The following BFSP2 variants were observed in gnomAD, a reference collection of about 807,000 sequenced individuals.
BFSP2 encodes the protein phakinin.
Under a neutral mutation model 44.9 loss-of-function variants are expected in BFSP2, and 38 were observed. The ratio of observed to expected loss-of-function variants is 0.85; its 90% confidence interval spans 0.65 to 1.11. BFSP2 has a LOEUF of 1.11. Ranked by LOEUF, BFSP2 falls within the 50% of genes least tolerant of loss-of-function variation. BFSP2 has a pLI of 0.00. For missense variants in BFSP2, 525 were observed against 533.0 expected (o/e 0.99, Z 0.15); for synonymous variants, 197 against 209.9 (o/e 0.94, Z 0.53).
At chr3:133,412,642 G>A (rs2073467172) in intron 1 of BFSP2, 1 of 152,320 alleles carries the variant, frequency 6.6e-6, no homozygotes, top group African/African-American at 2.4e-5. Context: ...CTGGGTGCCG[G>A]GCAGGCCTCC....
At chr3:133,405,878 A>C (rs115643807) in intron 1 of BFSP2, among the ~76,000 whole-genome samples, 139 of 152,276 alleles carry the variant, frequency 9.1e-4, no homozygotes, top group African/African-American at 3.2e-3. Flanking sequence ...TTGATGGGAG[A>C]GGGGGAGAAG....
chr3:133,468,020 G>A (rs1298203716), intron 5 of BFSP2, among the ~76,000 whole-genome samples: 7 of 152,192 alleles, frequency 4.6e-5, no homozygotes, highest in African/African-American at 1.4e-4. Context: ...GATAGTCACA[G>A]TCCAGCCCAC....
rs1400090355 is a variant in BFSP2 at position 133,403,894 on chromosome 3, G to C, written c.489+3322G>C. Among the ~76,000 whole-genome samples the C allele has an allele frequency of 2.6e-5, 4 of 152,142 alleles. No homozygotes were observed. The East Asian group carries it at 7.7e-4, about 29-fold the overall frequency. ...AGGAGCCAGGAGGAGGGAAACAATT[G>C]CTGTCACTGTGCAGAGAGTCACATC... On this transcript the variant is annotated intron_variant, in intron 1 of 6. Coordinates refer to ENST00000302334, the MANE Select transcript of BFSP2 (RefSeq NM_003571.4).
chr3:133,455,887 T>C (rs2107931525), intron 4 of BFSP2: 1 of 152,730 alleles, frequency 6.5e-6, no homozygotes, highest in Non-Finnish European at 1.5e-5. Context: ...GTCTGCCTCC[T>C]GCAATGCAAG....
At chr3:133,425,776 A>AGGGAC (rs2073639325) in intron 1 of BFSP2, among the ~76,000 whole-genome samples, 1 of 35,504 alleles carries the variant, frequency 2.8e-5, no homozygotes, top group Admixed American at 2.5e-4. Flanking sequence ...GGAAAGGGAA[A>AGGGAC]GGGAAAGGGA....
intron 1 of BFSP2, chr3:133,412,220 T>C (rs1381513194): frequency 6.6e-6 from 1 of 152,176 alleles, no homozygotes; most frequent in East Asian, 1.9e-4. Flanking sequence ...AGCTGGGTGA[T>C]GCATATATGG....
chr3:133,425,856 AG>A (rs1178162319), intron 1 of BFSP2, among the ~76,000 whole-genome samples: 2 of 122,158 alleles, frequency 1.6e-5, no homozygotes, highest in African/African-American at 3.5e-5. Flanking sequence ...AGGGAAAGGA[AG>A]GGAAGGGAAG....
At chr3:133,408,124 A>G (rs1414025332) in intron 1 of BFSP2, among the ~76,000 whole-genome samples, 1 of 152,234 alleles carries the variant, frequency 6.6e-6, no homozygotes. Flanking sequence ...GTAGGATACA[A>G]AAGGTTAAAA....
In BFSP2 at chr3:133,472,575, G is replaced by C. The variant is rs368779733; in HGVS notation, c.1244+10G>C. On this transcript the variant is annotated intron_variant, in intron 6 of 6. Transcript: ENST00000302334. ...ACAGGGAGGAGAGCGGGTAAGCCTC[G>C]CTTCCGCGTCAATTATCCAAGAGAT... The C allele has an allele frequency of 1.3e-5, 21 of 1,609,702 alleles. No individual in the cohort carries two copies. Among genetic ancestry groups the C allele is most frequent in the Middle Eastern group, 2.2e-4 (1 of 4,492 alleles).
At chr3:133,437,464 G>A (rs542476523) in intron 1 of BFSP2, among the ~76,000 whole-genome samples, 39 of 151,684 alleles carry the variant, frequency 2.6e-4, no homozygotes, top group East Asian at 9.7e-4. Flanking sequence ...TGGAGGTTGC[G>A]GCGAGCCGAG....
In BFSP2 at chr3:133,440,309, T is replaced by C. The variant is rs569083664; in HGVS notation, c.490-7008T>C. On this transcript the variant is annotated intron_variant, in intron 1 of 6. Coordinates refer to ENST00000302334, the MANE Select transcript of BFSP2 (RefSeq NM_003571.4). Reference sequence around the variant, plus strand: ...TGGGAGCTACAATTCAAGATGAGATTTGGGTGGGGATACAACCAACCATAT... The same window carrying C: ...TGGGAGCTACAATTCAAGATGAGATCTGGGTGGGGATACAACCAACCATAT... Among the ~76,000 whole-genome samples, 5 of 152,210 alleles carry C rather than the reference T, an allele frequency of 3.3e-5. No individual in the cohort carries two copies. The East Asian group carries it at 9.7e-4, about 29-fold the overall frequency.
At chr3:133,408,113 T>C (rs150686828) in intron 1 of BFSP2, among the ~76,000 whole-genome samples, 2,628 of 151,988 alleles carry the variant, frequency 0.017, 64 homozygotes, top group African/African-American at 0.056. Flanking sequence ...AAAAATGCAA[T>C]GTAGGATACA....
chr3:133,459,447 G>A (rs2074042299), intron 4 of BFSP2, among the ~76,000 whole-genome samples: 1 of 152,164 alleles, frequency 6.6e-6, no homozygotes, highest in African/African-American at 2.4e-5. Flanking sequence ...TATTACAAGG[G>A]GGCAGCAAGG....
intron 3 of BFSP2, 40 bp from the exon 4 acceptor site, chr3:133,450,263 C>T (rs997318806): frequency 9.3e-6 from 15 of 1,609,590 alleles, no homozygotes; most frequent in East Asian, 2.2e-5. Context: ...CCATTTATTT[C>T]CCCCCGTAAC....
rs1463060095 is a variant in BFSP2, at chr3:133,418,726, C to A, written c.489+18154C>A. 2.0e-5 allele frequency among the ~76,000 whole-genome samples: 3 copies of A among 152,160 alleles called. No individual in the cohort carries two copies. The East Asian group carries it at 5.8e-4, about 29-fold the overall frequency. ...GAGAACATACCTATGTTTTTCCTAACAAAATCATGTTCCTTCCCTAACAAA... is the reference window on the plus strand; with the variant it reads ...GAGAACATACCTATGTTTTTCCTAAAAAAATCATGTTCCTTCCCTAACAAA... On this transcript the variant is annotated intron_variant, in intron 1 of 6. Coordinates refer to ENST00000302334, the MANE Select transcript of BFSP2 (RefSeq NM_003571.4).
intron 2 of BFSP2, 27 bp from the exon 3 acceptor site, chr3:133,448,462 A>G: frequency 6.2e-7 from 1 of 1,612,988 alleles, no homozygotes; most frequent in Non-Finnish European, 8.5e-7. Flanking sequence ...CTACTCAGTT[A>G]TGCTAATTAA....
rs1294629562 is a variant in BFSP2 at position 133,415,220 on chromosome 3, C to T, written c.489+14648C>T. ...TCCCCTCTACTCACCTTTGCCCTCTCCCCTCACCTCTGTCCTCTCCCCTCT... is the reference window on the plus strand; with the variant it reads ...TCCCCTCTACTCACCTTTGCCCTCTTCCCTCACCTCTGTCCTCTCCCCTCT... On this transcript the variant is annotated intron_variant, in intron 1 of 6. Coordinates refer to ENST00000302334, the MANE Select transcript of BFSP2 (RefSeq NM_003571.4). 1.6e-5 allele frequency among the ~76,000 whole-genome samples: 2 copies of T among 122,094 alleles called. 1 individual carries two copies. Among genetic ancestry groups the T allele is most frequent in the African/African-American group, 6.4e-5 (2 of 31,278 alleles). The allele number at this position is 122,094 out of a possible 152,430, so 80.1% of individuals were successfully genotyped here.
intron 1 of BFSP2, among the ~76,000 whole-genome samples, chr3:133,440,643 G>T (rs2073836191): frequency 6.6e-6 from 1 of 152,128 alleles, no homozygotes; most frequent in Admixed American, 6.5e-5. Context: ...CAGAACTTGG[G>T]GGGACAGAGA....
intron 4 of BFSP2, among the ~76,000 whole-genome samples, chr3:133,463,630 C>G (rs2074084224): frequency 6.6e-6 from 1 of 152,228 alleles, no homozygotes; most frequent in South Asian, 2.1e-4. Flanking sequence ...CAGTTTAACT[C>G]TGCCATTTTG....
Sources: gnomAD v4.1 joint callset for allele counts (sites outside exome capture counted in the v4.1 genomes callset) on GRCh38, gnomAD v4.1.1 for gene constraint, MANE v1.5 for transcripts, NCBI Gene and HGNC (gene_info 2026-07-23, HGNC 2026-07-21) for gene names.